The following SLC9B1 variants were observed in gnomAD, a reference collection of about 807,000 sequenced individuals.
SLC9B1 encodes the protein sodium/hydrogen exchanger 9B1.
In SLC9B1, 32 loss-of-function variants were observed where a neutral mutation model predicts 51.7. The observed-to-expected ratio is 0.62, with a 90% CI of 0.47 to 0.83. SLC9B1 has a LOEUF of 0.83. Ranked by LOEUF, SLC9B1 falls within the 40% of genes least tolerant of loss-of-function variation. The probability of loss-of-function intolerance (pLI) is 0.00; values close to 1 mark genes in which losing one functional copy is unlikely to be tolerated. For synonymous variants in SLC9B1, 145 were observed against 212.7 expected (o/e 0.68, Z 2.77); for missense variants, 406 against 613.2 (o/e 0.66, Z 3.57).
intron 7 of SLC9B1, among the ~76,000 whole-genome samples, chr4:102,927,630 G>A (rs1276160861): frequency 6.6e-6 from 1 of 152,180 alleles, no homozygotes; most frequent in Non-Finnish European, 1.5e-5. Context: ...GTTGATGGGA[G>A]TGTAAATTAG....
intron 7 of SLC9B1, among the ~76,000 whole-genome samples, chr4:102,922,702 C>T (rs1035841712): frequency 6.6e-6 from 1 of 151,856 alleles, no homozygotes; most frequent in African/African-American, 2.4e-5. Flanking sequence ...CAAATAGATG[C>T]AATAAAAATG....
intron 3 of SLC9B1, among the ~76,000 whole-genome samples, chr4:102,989,477 T>A (rs2715590): frequency 6.6e-6 from 1 of 152,004 alleles, no homozygotes; most frequent in Non-Finnish European, 1.5e-5. Flanking sequence ...ATTATAATGT[T>A]CTTTCTAGCT....
intron 1 of SLC9B1, among the ~76,000 whole-genome samples, chr4:103,000,388 C>T (rs1400664387): frequency 6.6e-6 from 1 of 152,190 alleles, no homozygotes; most frequent in African/African-American, 2.4e-5. Flanking sequence ...CAACAATCCC[C>T]CAAAGTCTTA....
intron 7 of SLC9B1, among the ~76,000 whole-genome samples, chr4:102,918,692 T>C (rs1433553668): frequency 1.3e-5 from 2 of 152,212 alleles, no homozygotes; most frequent in Non-Finnish European, 2.9e-5. Context: ...CTTTTGAACA[T>C]GTGAGGACAA....
At chr4:102,924,043 T>C (rs1441717481) in intron 7 of SLC9B1, among the ~76,000 whole-genome samples, 3 of 152,144 alleles carry the variant, frequency 2.0e-5, no homozygotes, top group South Asian at 2.1e-4. Flanking sequence ...CTTCACAGAA[T>C]TGGAAAAAAC....
chr4:102,956,374 G>C (rs1737815133), intron 3 of SLC9B1, among the ~76,000 whole-genome samples: 1 of 151,144 alleles, frequency 6.6e-6, no homozygotes, highest in Non-Finnish European at 1.5e-5. Context: ...TTTGTGATAA[G>C]TTCTCCACAC....
At chr4:102,898,272 C>T (rs758173462), downstream of SLC9B1, 12 of 479,228 alleles carry the variant, frequency 2.5e-5, no homozygotes, top group South Asian at 3.1e-5. Context: ...AAGAAACTTG[C>T]GCATCACTGA....
chr4:102,893,788 G>A (rs1320127696), intron 11 of SLC9B1, among the ~76,000 whole-genome samples: 1 of 152,000 alleles, frequency 6.6e-6, no homozygotes, highest in Non-Finnish European at 1.5e-5. Flanking sequence ...GCCTGGCATG[G>A]TGGTGCATGC....
chr4:103,007,383 AG>A (rs1740840526), intron 1 of SLC9B1, among the ~76,000 whole-genome samples: 1 of 152,182 alleles, frequency 6.6e-6, no homozygotes, highest in South Asian at 2.1e-4. Flanking sequence ...AGCCACAAAA[AG>A]AAAATACCCT....
At chr4:102,990,576 T>A (rs1296732909) in intron 2 of SLC9B1, among the ~76,000 whole-genome samples, 1 of 145,224 alleles carries the variant, frequency 6.9e-6, no homozygotes, top group African/African-American at 2.5e-5. Flanking sequence ...AAACAAAACA[T>A]AAACAATGAT....
intron 1 of SLC9B1, among the ~76,000 whole-genome samples, chr4:102,998,133 C>A (rs1022762111): frequency 6.6e-6 from 1 of 152,136 alleles, no homozygotes; most frequent in African/African-American, 2.4e-5. Context: ...ATTATCTTGA[C>A]CTGAAACTGT....
rs770379557 is a variant in SLC9B1, at chr4:102,932,175, T to C, written c.778A>G (p.Ile260Val). The change falls in exon 7 of 12, where the codon ATT becomes GTT. Residue 260 changes from isoleucine (I) to valine (V), a missense_variant. Physicochemically the swap from Ile to Val is conservative, Grantham distance 29. Transcript: ENST00000296422. ...GTATTGAATCCAGTGATAGCCAGAATGTCATCCATACTGCTAGCAGCCATT... is the reference window on the plus strand; with the variant it reads ...GTATTGAATCCAGTGATAGCCAGAACGTCATCCATACTGCTAGCAGCCATT... ...LLMAASSMDD[I>V]LAITGFNTCL... The C allele has an allele frequency of 1.2e-6, 2 of 1,612,002 alleles. No individual in the cohort carries two copies. Among genetic ancestry groups the C allele is most frequent in the East Asian group, 4.5e-5 (2 of 44,870 alleles).
In SLC9B1 at chr4:102,906,647, A is replaced by C. The variant is rs1347105553; in HGVS notation, c.1087-3T>G. 19 of 1,489,202 alleles carry C rather than the reference A, an allele frequency of 1.3e-5. No homozygotes were observed. The highest frequency in any genetic ancestry group is 1.7e-5 in the Non-Finnish European group (19 of 1,090,380). The allele number at this position is 1,489,202 out of a possible 1,614,324, so 92.2% of individuals were successfully genotyped here. ...GTAATAATCTTTTGGACTTTCATCT[A>C]TAGAAAAGAGAAATACATTTATAAT... On this transcript the variant is annotated splice_region_variant and splice_polypyrimidine_tract_variant and intron_variant, in intron 9 of 11. Transcript: ENST00000296422.
intron 1 of SLC9B1, among the ~76,000 whole-genome samples, chr4:103,004,284 A>G (rs962098187): frequency 3.3e-5 from 5 of 152,250 alleles, no homozygotes; most frequent in African/African-American, 1.2e-4. Context: ...CAAGAATTTC[A>G]TAATACAACC....
At chr4:102,990,903 C>A (rs1237756143) in intron 2 of SLC9B1, among the ~76,000 whole-genome samples, 2 of 151,954 alleles carry the variant, frequency 1.3e-5, no homozygotes, top group Non-Finnish European at 2.9e-5. Flanking sequence ...TCATAATTAA[C>A]CTATTGGAGT....
intron 1 of SLC9B1, among the ~76,000 whole-genome samples, chr4:102,999,142 AAAATTGGGATGTTTGTTTT>A: frequency 6.6e-6 from 1 of 152,182 alleles, no homozygotes; most frequent in Admixed American, 6.5e-5. Flanking sequence ...TGCCCATTTT[AAAATTGGGATGTTTGTTTT>A]TTTCCGTTGC....
rs1334070183 is a variant in SLC9B1 at position 102,925,060 on chromosome 4, T to A, written c.829+7064A>T. ...CCCAGCCATCCCATTACTGGTCATA[T>A]ACCCAAAGGATTATGAATCATGCTG... On this transcript the variant is annotated intron_variant, in intron 7 of 11. Coordinates refer to ENST00000296422, the MANE Select transcript of SLC9B1 (RefSeq NM_139173.4). 3.3e-5 allele frequency among the ~76,000 whole-genome samples: 5 copies of A among 152,310 alleles called. No individual in the cohort carries two copies. The East Asian group carries it at 9.6e-4, about 29-fold the overall frequency.
At position 102,984,212 on chromosome 4, in the gene SLC9B1, G is replaced by C. The variant is rs79573795; in HGVS notation, c.211+5588C>G. 3.9e-3 allele frequency among the ~76,000 whole-genome samples: 590 copies of C among 151,992 alleles called. 7 individuals carry two copies. Among genetic ancestry groups the C allele is most frequent in the East Asian group, 0.03 (157 of 5,166 alleles). On this transcript the variant is annotated intron_variant, in intron 3 of 11. Transcript: ENST00000296422. ...GCTCATTATAGCCTCTGCCTCCTGG[G>C]GTAAGCAATCTTCCCACCTCAGCCT...
intron 3 of SLC9B1, among the ~76,000 whole-genome samples, chr4:102,959,313 T>C (rs1737967703): frequency 6.6e-6 from 1 of 152,114 alleles, no homozygotes; most frequent in Non-Finnish European, 1.5e-5. Context: ...TTACTATATA[T>C]ATGTAATTTT....
Sources: gnomAD v4.1 joint callset for allele counts (sites outside exome capture counted in the v4.1 genomes callset) on GRCh38, gnomAD v4.1.1 for gene constraint, MANE v1.5 for transcripts, NCBI Gene and HGNC (gene_info 2026-07-23, HGNC 2026-07-21) for gene names.